OPCML: variants seen among roughly 807,000 people sequenced by gnomAD.
OPCML encodes the protein opioid-binding protein/cell adhesion molecule.
In OPCML, 13 loss-of-function variants were observed where a neutral mutation model predicts 37.8. The observed-to-expected ratio is 0.34, with a 90% confidence interval of 0.22 to 0.55. The LOEUF is 0.55. Among genes scored for constraint, OPCML ranks in the 20% least tolerant of loss-of-function variants. The pLI is 0.91. For missense variants in OPCML, 341 were observed against 435.6 expected (o/e 0.78, Z 1.93); for synonymous variants, 176 against 168.8 (o/e 1.04, Z -0.33).
At position 133,263,404 on chromosome 11, in the gene OPCML, T is replaced by C. The variant is rs541437965; in HGVS notation, c.61+268860A>G. Among the ~76,000 whole-genome samples the C allele has an allele frequency of 6.6e-5, 10 of 152,276 alleles. No homozygotes were observed. The East Asian group carries it at 1.7e-3, about 27-fold the overall frequency. On this transcript the variant is annotated intron_variant, in intron 1 of 7. Coordinates refer to ENST00000524381, the MANE Select transcript of OPCML (RefSeq NM_001012393.5). The stretch of plus-strand genomic sequence containing the variant: ...CATTGTGTTACAGTTGCCTACAGTG[T>C]TCAATACAGTCACTGCTGTACAGGG...
intron 3 of OPCML, among the ~76,000 whole-genome samples, chr11:132,569,797 C>A (rs115807050): frequency 0.011 from 1,735 of 152,106 alleles, 31 homozygotes; most frequent in African/African-American, 0.039. Flanking sequence ...CTCCCTAATA[C>A]AATGGTCTAT....
At chr11:133,082,612 C>CTCT (rs1565438100) in intron 1 of OPCML, among the ~76,000 whole-genome samples, 1 of 92,948 alleles carries the variant, frequency 1.1e-5, no homozygotes, top group African/African-American at 4.7e-5. Context: ...TCCCCCTTTC[C>CTCT]CCTCTTACTA....
intron 1 of OPCML, among the ~76,000 whole-genome samples, chr11:133,432,368 AAC>A (rs1393106057): frequency 2.0e-5 from 3 of 152,130 alleles, no homozygotes; most frequent in Non-Finnish European, 4.4e-5. Flanking sequence ...TTTTAAAAAA[AAC>A]ACACTTTTTT....
intron 3 of OPCML, among the ~76,000 whole-genome samples, chr11:132,574,494 TTTTTAAA>T (rs2096445946): frequency 6.6e-6 from 1 of 151,758 alleles, no homozygotes; most frequent in South Asian, 2.1e-4. Flanking sequence ...ATTACATAAT[TTTTTAAA>T]AAATTCTTCT....
intron 2 of OPCML, among the ~76,000 whole-genome samples, chr11:132,851,781 T>G (rs1037139029): frequency 6.6e-6 from 1 of 152,176 alleles, no homozygotes; most frequent in Admixed American, 6.5e-5. Flanking sequence ...TCTTGCCCAG[T>G]AACACCCAAC....
intron 2 of OPCML, among the ~76,000 whole-genome samples, chr11:132,858,637 T>A (rs754980798): frequency 6.6e-6 from 1 of 152,138 alleles, no homozygotes; most frequent in Non-Finnish European, 1.5e-5. Flanking sequence ...CCCATCCAAG[T>A]CCTGACTCTG....
chr11:132,990,220 C>A (rs1946751095), intron 1 of OPCML, among the ~76,000 whole-genome samples: 1 of 152,152 alleles, frequency 6.6e-6, no homozygotes, highest in African/African-American at 2.4e-5. Flanking sequence ...TAGTGGGTGC[C>A]TACAGGGCGT....
chr11:132,536,510 T>C (rs1187127372), intron 3 of OPCML, among the ~76,000 whole-genome samples: 1 of 152,206 alleles, frequency 6.6e-6, no homozygotes, highest in Non-Finnish European at 1.5e-5. Context: ...AAATCTATTA[T>C]TATTGTTTTT....
intron 1 of OPCML, among the ~76,000 whole-genome samples, chr11:133,243,360 C>A (rs1001054863): frequency 1.3e-5 from 2 of 152,148 alleles, no homozygotes; most frequent in African/African-American, 4.8e-5. Flanking sequence ...GTGGAGTGAG[C>A]TGATTTGCCA....
At chr11:132,450,431 G>C (rs1157217486) in intron 4 of OPCML, among the ~76,000 whole-genome samples, 2 of 152,120 alleles carry the variant, frequency 1.3e-5, no homozygotes, top group African/African-American at 4.8e-5. Flanking sequence ...ACCATATGGG[G>C]CGGGTGCTGG....
intron 4 of OPCML, among the ~76,000 whole-genome samples, chr11:132,514,548 C>T (rs79350343): frequency 0.063 from 9,557 of 152,164 alleles, 382 homozygotes; most frequent in Middle Eastern, 0.12. Flanking sequence ...CCTGGGCTCT[C>T]GGGAGTATAA....
chr11:133,319,109 C>A (rs567378340), intron 1 of OPCML, among the ~76,000 whole-genome samples: 65 of 152,302 alleles, frequency 4.3e-4, no homozygotes, highest in African/African-American at 1.5e-3. Flanking sequence ...TTGCTTGCAA[C>A]CTCAGTGATT....
intron 2 of OPCML, among the ~76,000 whole-genome samples, chr11:132,741,816 C>A: frequency 6.6e-6 from 1 of 152,056 alleles, no homozygotes; most frequent in South Asian, 2.1e-4. Context: ...CACCTGAGCT[C>A]CGGAGTTTGA....
intron 3 of OPCML, among the ~76,000 whole-genome samples, chr11:132,573,049 G>A (rs1364974156): frequency 6.6e-6 from 1 of 151,446 alleles, no homozygotes; most frequent in Non-Finnish European, 1.5e-5. Flanking sequence ...TTTTAAGATA[G>A]TTTATTTTTA....
intron 2 of OPCML, among the ~76,000 whole-genome samples, chr11:132,689,978 T>C (rs1392779070): frequency 2.0e-5 from 3 of 152,238 alleles, no homozygotes; most frequent in Admixed American, 1.3e-4. Flanking sequence ...ACTTTATGTA[T>C]GTAAACAGAA....
At chr11:132,528,007 C>A in intron 4 of OPCML, among the ~76,000 whole-genome samples, 1 of 152,134 alleles carries the variant, frequency 6.6e-6, no homozygotes, top group African/African-American at 2.4e-5. Flanking sequence ...GGAATGGATT[C>A]TCCCTCAGAC....
At chr11:133,071,579 C>T (rs557505988) in intron 1 of OPCML, among the ~76,000 whole-genome samples, 127 of 152,260 alleles carry the variant, frequency 8.3e-4, no homozygotes, top group Middle Eastern at 3.4e-3. Context: ...CTAGCACTGC[C>T]TGTCGAATGA....
intron 2 of OPCML, among the ~76,000 whole-genome samples, chr11:132,941,005 A>G (rs1358270847): frequency 6.6e-6 from 1 of 151,270 alleles, no homozygotes; most frequent in African/African-American, 2.5e-5. Flanking sequence ...AACATGATAC[A>G]TGTGCTTACT....
chr11:132,541,903 T>C (rs777786478), intron 3 of OPCML, among the ~76,000 whole-genome samples: 2 of 152,044 alleles, frequency 1.3e-5, no homozygotes, highest in South Asian at 4.1e-4. Flanking sequence ...TCTTGCAAGG[T>C]TTGGAACAGA....
Sources: allele counts gnomAD v4.1 joint callset (sites outside exome capture counted in the v4.1 genomes callset), GRCh38; gene constraint gnomAD v4.1.1; transcripts MANE v1.5; gene names NCBI Gene and HGNC (gene_info 2026-07-23, HGNC 2026-07-21).